VPS26B: variants seen among roughly 807,000 people sequenced by gnomAD.
The protein encoded by VPS26B is VPS26 retromer complex component B, also known as vacuolar protein sorting-associated protein 26B.
Under a neutral mutation model 33.3 loss-of-function variants are expected in VPS26B, and 10 were observed. That is an observed-to-expected ratio of 0.30 (90% CI 0.19 to 0.51). VPS26B has a LOEUF of 0.51. Ranked by LOEUF, VPS26B falls within the 20% of genes least tolerant of loss-of-function variation. VPS26B has a pLI of 0.98. For synonymous variants in VPS26B, 190 were observed against 176.9 expected, an observed-to-expected ratio of 1.07 and a Z score of -0.59; for missense variants, 317 against 452.7, an observed-to-expected ratio of 0.70 and a Z score of 2.72.
intron 2 of VPS26B, 25 bp downstream of exon 2, chr11:134,235,078 A>T (rs776729714): frequency 1.9e-6 from 3 of 1,608,282 alleles, no homozygotes; most frequent in Non-Finnish European, 2.5e-6. Context: ...CTGGTTCCCC[A>T]CTGTACCCTA....
Position 134,245,643 on chromosome 11 carries a change from A to C in VPS26B, c.*53A>C. On this transcript the variant is annotated 3_prime_UTR_variant, in exon 6 of 6. Coordinates refer to ENST00000281187, the MANE Select transcript of VPS26B (RefSeq NM_052875.5). The surrounding 1 kb of genome is among the most constrained non-coding windows in gnomAD (Gnocchi z 4.7). ...ACCCACCCAGCACCCCCATCTACCAACACCAGCGGCTGGGGGCGGGGGCGG... is the reference window on the plus strand; with the variant it reads ...ACCCACCCAGCACCCCCATCTACCACCACCAGCGGCTGGGGGCGGGGGCGG... 1.9e-6 allele frequency: 3 copies of C among 1,543,594 alleles called. No homozygotes were observed. The highest frequency in any genetic ancestry group is 1.7e-4 in the Middle Eastern group (1 of 5,864).
chr11:134,225,426 G>A (rs1414105528), intron 1 of VPS26B, 81 bp downstream of exon 1: 2 of 1,408,678 alleles, frequency 1.4e-6, no homozygotes. Context: ...AGCTCCTCCG[G>A]CGAGGCCTGT....
At position 134,245,328 on chromosome 11, in the gene VPS26B, G is replaced by T; in HGVS notation, c.865-116G>T. 2 of 1,469,096 alleles carry T rather than the reference G, an allele frequency of 1.4e-6. No individual in the cohort carries two copies. Among genetic ancestry groups the T allele is most frequent in the South Asian group, 1.3e-5 (1 of 77,238 alleles). The allele number at this position is 1,469,096 out of a possible 1,614,324, so 91.0% of individuals were successfully genotyped here. ...CTGGCAGCTGCTGCCTTTGGTGAGAGAGAAGCAGAGGAGGTCCTTGCCCGA... is the reference window on the plus strand; with the variant it reads ...CTGGCAGCTGCTGCCTTTGGTGAGATAGAAGCAGAGGAGGTCCTTGCCCGA... On this transcript the variant is annotated intron_variant, in intron 5 of 5. Transcript: ENST00000281187. The surrounding 1 kb of genome is among the most constrained non-coding windows in gnomAD (Gnocchi z 4.7).
At chr11:134,237,701 C>G (rs1326492052) in intron 2 of VPS26B, among the ~76,000 whole-genome samples, 1 of 152,072 alleles carries the variant, frequency 6.6e-6, no homozygotes, top group East Asian at 1.9e-4. Context: ...AAGAGTGTTT[C>G]AAGGAAGAAG....
chr11:134,245,277 T>A lies in VPS26B; in HGVS notation c.865-167T>A, dbSNP rs1046730495. 1.3e-5 allele frequency among the ~76,000 whole-genome samples: 2 copies of A among 152,204 alleles called. No individual in the cohort carries two copies. The highest frequency in any genetic ancestry group is 4.8e-5 in the African/African-American group (2 of 41,450). On this transcript the variant is annotated intron_variant, in intron 5 of 5. Transcript: ENST00000281187. This position sits in a 1 kb window ranked among gnomAD's most constrained non-coding sequence, Gnocchi z 4.7. Reference sequence around the variant, plus strand: ...CTTCTCCTGCAACCACCTGCCCTTTTGGCCCACACCAGGGACAGGGAGGTG... The same window carrying A: ...CTTCTCCTGCAACCACCTGCCCTTTAGGCCCACACCAGGGACAGGGAGGTG...
At chr11:134,228,313 G>A (rs1419240968) in intron 1 of VPS26B, among the ~76,000 whole-genome samples, 1 of 151,074 alleles carries the variant, frequency 6.6e-6, no homozygotes, top group African/African-American at 2.4e-5. Flanking sequence ...TTGGCTTTGG[G>A]ATGTATTTCT....
intron 1 of VPS26B, among the ~76,000 whole-genome samples, chr11:134,232,973 G>A (rs1171625007): frequency 6.6e-6 from 1 of 152,156 alleles, no homozygotes; most frequent in Non-Finnish European, 1.5e-5. Context: ...ACTTTTATTG[G>A]GGGGGCACAA....
At position 134,245,159 on chromosome 11, in the gene VPS26B, C is replaced by T; in HGVS notation, c.864+79C>T. On this transcript the variant is annotated intron_variant, in intron 5 of 5. Transcript: ENST00000281187. The surrounding 1 kb of genome is among the most constrained non-coding windows in gnomAD (Gnocchi z 4.7). ...CTCTTTCCTATGGAAGGTCAGACTC[C>T]ATTTTTGCCAAGAGGTGGGAACATT... The T allele has an allele frequency of 3.2e-6, 5 of 1,548,338 alleles. No homozygotes were observed. Among genetic ancestry groups the T allele is most frequent in the Non-Finnish European group, 4.3e-6 (5 of 1,151,736 alleles).
At chr11:134,239,686 G>A in intron 2 of VPS26B, 1 of 391,026 alleles carries the variant, frequency 2.6e-6, no homozygotes, top group Non-Finnish European at 4.8e-6. Flanking sequence ...ATGTGATTGG[G>A]GTACAAGGCA....
At position 134,245,484 on chromosome 11, in the gene VPS26B, G is replaced by C. The variant is rs767640193; in HGVS notation, c.905G>C (p.Ser302Thr). The change falls in exon 6 of 6, where the codon AGC becomes ACC. Residue 302 changes from serine (S) to threonine (T), a missense_variant. By Grantham distance (58) the Ser-to-Thr change is moderately conservative (BLOSUM62 1). Coordinates refer to ENST00000281187, the MANE Select transcript of VPS26B (RefSeq NM_052875.5). The surrounding 1 kb of genome is among the most constrained non-coding windows in gnomAD (Gnocchi z 4.7). ...CGGAAGGGTGACATCGTACGGAAGAGCATGTCCCACCAGGCGGCCATCGCC... is the reference window on the plus strand; with the variant it reads ...CGGAAGGGTGACATCGTACGGAAGACCATGTCCCACCAGGCGGCCATCGCC... ...LWRKGDIVRKSMSHQAAIASQ... is the reference protein window; with the variant it reads ...LWRKGDIVRKTMSHQAAIASQ... 6.2e-7 allele frequency: 1 copy of C among 1,613,910 alleles called. No individual in the cohort carries two copies. The highest frequency in any genetic ancestry group is 1.7e-5 in the Admixed American group (1 of 60,002).
intron 1 of VPS26B, 127 bp from the exon 2 acceptor site, chr11:134,234,770 G>A: frequency 3.6e-6 from 4 of 1,107,794 alleles, no homozygotes; most frequent in South Asian, 1.6e-5. Flanking sequence ...AGGCTAGAAG[G>A]GGTCTGTTCT....
chr11:134,228,822 A>C (rs894433854), intron 1 of VPS26B, among the ~76,000 whole-genome samples: 2 of 152,144 alleles, frequency 1.3e-5, no homozygotes, highest in Admixed American at 1.3e-4. Flanking sequence ...CCTTCATTGC[A>C]TTCTTTGACT....
chr11:134,225,519 C>G (rs1555145227), intron 1 of VPS26B, 174 bp downstream of exon 1: 6 of 677,036 alleles, frequency 8.9e-6, no homozygotes, highest in East Asian at 8.4e-5. Flanking sequence ...GCGTTACTGT[C>G]CTCCCTGCCA....
intron 3 of VPS26B, among the ~76,000 whole-genome samples, chr11:134,241,214 A>T (rs940219952): frequency 1.3e-5 from 2 of 152,128 alleles, no homozygotes. Context: ...TCTAAGTAGG[A>T]TTTTCATTGT....
intron 1 of VPS26B, among the ~76,000 whole-genome samples, chr11:134,231,568 C>CTT (rs1410570963): frequency 9.2e-5 from 13 of 141,460 alleles, no homozygotes; most frequent in Admixed American, 8.5e-4. Flanking sequence ...CTTTGGAGGG[C>CTT]TTTTTTTTTT....
chr11:134,238,383 G>A (rs573097824), intron 2 of VPS26B, among the ~76,000 whole-genome samples: 1 of 152,146 alleles, frequency 6.6e-6, no homozygotes, highest in Admixed American at 6.5e-5. Context: ...TCTTAGTGGA[G>A]TAAAAGTCAG....
In VPS26B at chr11:134,235,847, T is replaced by C. The variant is rs1321594808; in HGVS notation, c.380+794T>C. On this transcript the variant is annotated intron_variant, in intron 2 of 5. Coordinates refer to ENST00000281187, the MANE Select transcript of VPS26B (RefSeq NM_052875.5). Reference sequence around the variant, plus strand: ...CAGATATAGACTGTTAGGTGTAAACTTGAGGTTATGTGATGCTACTGGGAT... The same window carrying C: ...CAGATATAGACTGTTAGGTGTAAACCTGAGGTTATGTGATGCTACTGGGAT... 3 of 152,204 alleles carry C rather than the reference T, an allele frequency of 2.0e-5. No homozygotes were observed. The South Asian group carries it at 6.2e-4, about 31-fold the overall frequency. The allele number at this position is 152,204 out of a possible 1,614,324, so 9.4% of individuals were successfully genotyped here.
At chr11:134,236,520 A>G (rs1364621988) in intron 2 of VPS26B, 1 of 152,192 alleles carries the variant, frequency 6.6e-6, no homozygotes, top group East Asian at 1.9e-4. Context: ...CCATATTCAC[A>G]GCAGCATTAT....
At chr11:134,238,298 A>G (rs1049838095) in intron 2 of VPS26B, among the ~76,000 whole-genome samples, 8 of 152,180 alleles carry the variant, frequency 5.3e-5, no homozygotes, top group African/African-American at 1.7e-4. Flanking sequence ...ATGCAGAGAC[A>G]TGTTTAGGCC....
Sources: gnomAD v4.1 joint callset for allele counts (sites outside exome capture counted in the v4.1 genomes callset) on GRCh38, gnomAD v4.1.1 for gene constraint, Gnocchi (gnomAD v3.1) non-coding constraint, MANE v1.5 for transcripts, NCBI Gene and HGNC (gene_info 2026-07-23, HGNC 2026-07-21) for gene names.